The following B3GLCT variants were observed in gnomAD, a reference collection of about 807,000 sequenced individuals.
B3GLCT encodes beta-1,3-glucosyltransferase.
B3GLCT carries 65 observed loss-of-function variants against 63.4 expected under a neutral mutation model. The ratio of observed to expected loss-of-function variants is 1.03; its 90% CI spans 0.84 to 1.26. B3GLCT has a LOEUF of 1.26. Among genes scored for constraint, B3GLCT ranks in the 50% most tolerant of loss-of-function variants. The probability of loss-of-function intolerance (pLI) is 0.00; values close to 1 mark genes in which losing one functional copy is unlikely to be tolerated. For synonymous variants in B3GLCT, 233 were observed against 219.2 expected, an observed-to-expected ratio of 1.06 and a Z score of -0.55; for missense variants, 577 against 604.8, an observed-to-expected ratio of 0.95 and a Z score of 0.48.
intron 7 of B3GLCT, 74 bp downstream of exon 7, chr13:31,261,156 CTGA>C (rs1872013812): frequency 4.0e-6 from 6 of 1,508,522 alleles, no homozygotes; most frequent in Non-Finnish European, 5.5e-6. Flanking sequence ...AGTACTGTAA[CTGA>C]TGGATCTCAG....
rs773143213 is a variant in B3GLCT at position 31,329,526 on chromosome 13, A to G, written c.1355A>G (p.Asp452Gly). 1.9e-6 allele frequency: 3 copies of G among 1,614,214 alleles called. No homozygotes were observed. The highest frequency in any genetic ancestry group is 2.2e-5 in the East Asian group (1 of 44,882). ...GCTCGGCCGGTGGATTACCCTAAGG[A>G]CTACCTTTCTCATCAAGTTCCCATA... ...HQARPVDYPK[D>G]YLSHQVPISF... Residue 452 changes from aspartate to glycine, a missense_variant, in exon 15 of 15, where the codon GAC (aspartate) becomes GGC (glycine). Asp to Gly is a moderately conservative substitution (Grantham distance 94, BLOSUM62 -1). Transcript: ENST00000343307.
intron 1 of B3GLCT, 68 bp downstream of exon 1, chr13:31,200,222 C>A: frequency 1.9e-6 from 2 of 1,033,664 alleles, no homozygotes; most frequent in Middle Eastern, 4.1e-4. Context: ...GCCCGTGCCC[C>A]GGTCGGCGCG....
At position 31,211,239 on chromosome 13, in the gene B3GLCT, A is replaced by G. The variant is rs369979661; in HGVS notation, c.71-3812A>G. On this transcript the variant is annotated intron_variant, in intron 1 of 14. Coordinates refer to ENST00000343307, the MANE Select transcript of B3GLCT (RefSeq NM_194318.4). ...GCAAAACCCCATCTCTACTAAAAAT[A>G]CAAAAATTAGCTGGGCATGGTGGCA... Among the ~76,000 whole-genome samples, 160 of 152,254 alleles carry G rather than the reference A, an allele frequency of 1.1e-3. 1 individual carries two copies. Among genetic ancestry groups the G allele is most frequent in the African/African-American group, 3.7e-3 (155 of 41,548 alleles).
Position 31,308,512 on chromosome 13 carries a change from C to T in B3GLCT, c.1065-9054C>T, listed in dbSNP as rs536002689. Among the ~76,000 whole-genome samples, 5 of 152,062 alleles carry T rather than the reference C, an allele frequency of 3.3e-5. No individual in the cohort carries two copies. The East Asian group carries it at 9.7e-4, about 29-fold the overall frequency. ...AGTGGCTTTTATTCAGTCCATCAGGCTTGCTGTTCCCTCAGGAATAACCTC... is the reference window on the plus strand; with the variant it reads ...AGTGGCTTTTATTCAGTCCATCAGGTTTGCTGTTCCCTCAGGAATAACCTC... On this transcript the variant is annotated intron_variant, in intron 12 of 14. Transcript: ENST00000343307.
intron 3 of B3GLCT, among the ~76,000 whole-genome samples, chr13:31,225,615 C>T (rs1870056539): frequency 6.6e-6 from 1 of 152,140 alleles, no homozygotes; most frequent in Non-Finnish European, 1.5e-5. Context: ...GCAGGAGCTC[C>T]CCTCCCCTTT....
At chr13:31,232,370 A>G (rs1870421880) in intron 4 of B3GLCT, among the ~76,000 whole-genome samples, 1 of 152,202 alleles carries the variant, frequency 6.6e-6, no homozygotes, top group African/African-American at 2.4e-5. Context: ...CAATCATGGC[A>G]GAAGGTGAAG....
In B3GLCT at chr13:31,222,950, A is replaced by G. The variant is rs1403394824; in HGVS notation, c.121-2A>G. ...TCTTTTTCTCTTTCATTTAAAATAC[A>G]GGATTTGGAGAAAAGTGGTATATCA... On this transcript the variant is annotated splice_acceptor_variant, in intron 2 of 14. Coordinates refer to ENST00000343307, the MANE Select transcript of B3GLCT (RefSeq NM_194318.4). LOFTEE classifies it high-confidence loss of function. 2.0e-6 allele frequency: 3 copies of G among 1,515,684 alleles called. No individual in the cohort carries two copies. Among genetic ancestry groups the G allele is most frequent in the East Asian group, 4.5e-5 (2 of 44,320 alleles). The allele number at this position is 1,515,684 out of a possible 1,614,324, so 93.9% of individuals were successfully genotyped here.
intron 1 of B3GLCT, among the ~76,000 whole-genome samples, chr13:31,205,766 G>A (rs566202751): frequency 3.3e-5 from 5 of 152,290 alleles, no homozygotes; most frequent in Admixed American, 6.5e-5. Context: ...CTCAAAATGT[G>A]TATATACCAA....
chr13:31,311,746 A>C (rs76064114), intron 12 of B3GLCT: 2 of 152,168 alleles, frequency 1.3e-5, no homozygotes, highest in African/African-American at 4.8e-5. Context: ...TTTTACTGAT[A>C]CTATTTCAGC....
At position 31,200,108 on chromosome 13, in the gene B3GLCT, G is replaced by A; in HGVS notation, c.24G>A (p.Trp8Ter). The A allele has an allele frequency of 2.2e-6, 3 of 1,374,926 alleles. No homozygotes were observed. The highest frequency in any genetic ancestry group is 1.9e-6 in the Non-Finnish European group (2 of 1,054,368). The allele number at this position is 1,374,926 out of a possible 1,614,324, so 85.2% of individuals were successfully genotyped here. Residue 8 changes from tryptophan to a stop codon, truncating the protein, a stop_gained, in exon 1 of 15, where the codon TGG (tryptophan) becomes TGA (stop). Transcript: ENST00000343307. LOFTEE classifies it high-confidence loss of function. MRPPACW[W>*]LLAPPALLAL... ...GGATGCGGCCGCCCGCCTGCTGGTG[G>A]CTGCTCGCGCCGCCGGCGCTGCTCG...
intron 12 of B3GLCT, among the ~76,000 whole-genome samples, chr13:31,304,021 T>C (rs1328683933): frequency 1.5e-5 from 1 of 67,042 alleles, no homozygotes; most frequent in Non-Finnish European, 2.7e-5. Context: ...GGGGCCAATA[T>C]TGAACATTCT....
At chr13:31,291,710 TTTTGGGCTGAG>T (rs1873668659) in intron 12 of B3GLCT, among the ~76,000 whole-genome samples, 2 of 152,204 alleles carry the variant, frequency 1.3e-5, no homozygotes, top group Admixed American at 1.3e-4. Context: ...CTTAAGGAGA[TTTTGGGCTGAG>T]ATGATGGATT....
chr13:31,278,995 A>AT (rs1278280159), intron 10 of B3GLCT, among the ~76,000 whole-genome samples: 2 of 152,016 alleles, frequency 1.3e-5, no homozygotes, highest in African/African-American at 2.4e-5. Flanking sequence ...TAAGTCCCAC[A>AT]TTTTTTTCTA....
At chr13:31,248,784 T>C (rs1301980892) in intron 6 of B3GLCT, among the ~76,000 whole-genome samples, 1 of 152,246 alleles carries the variant, frequency 6.6e-6, no homozygotes, top group Non-Finnish European at 1.5e-5. Flanking sequence ...CCCTAGCCCT[T>C]AGCAGAGTGT....
chr13:31,324,308 A>G (rs1875496180), intron 14 of B3GLCT, among the ~76,000 whole-genome samples: 2 of 152,184 alleles, frequency 1.3e-5, no homozygotes, highest in African/African-American at 4.8e-5. Flanking sequence ...TTTTTACGCT[A>G]TCTGTCTTTT....
intron 6 of B3GLCT, among the ~76,000 whole-genome samples, chr13:31,249,174 G>C (rs1871321580): frequency 6.6e-6 from 1 of 152,146 alleles, no homozygotes; most frequent in South Asian, 2.1e-4. Flanking sequence ...GGGCAACAGT[G>C]ATCGTTAGAT....
intron 9 of B3GLCT, among the ~76,000 whole-genome samples, chr13:31,275,639 A>T (rs1260816922): frequency 1.3e-5 from 2 of 152,156 alleles, no homozygotes; most frequent in Non-Finnish European, 2.9e-5. Flanking sequence ...CAGCCCCAGT[A>T]TGAGCCTGGA....
intron 12 of B3GLCT, among the ~76,000 whole-genome samples, chr13:31,304,112 T>C (rs1179304612): frequency 3.1e-5 from 3 of 96,762 alleles, no homozygotes; most frequent in Admixed American, 1.1e-4. Flanking sequence ...AAATACTTTA[T>C]AGACAAGCAA....
intron 2 of B3GLCT, among the ~76,000 whole-genome samples, chr13:31,220,999 ATG>A (rs1869782167): frequency 1.3e-5 from 2 of 152,180 alleles, no homozygotes; most frequent in African/African-American, 4.8e-5. Flanking sequence ...TTTTTAAAGC[ATG>A]CTTCCCGAGG....
Sources: allele counts gnomAD v4.1 joint callset (sites outside exome capture counted in the v4.1 genomes callset), GRCh38; gene constraint gnomAD v4.1.1; transcripts MANE v1.5; gene names NCBI Gene and HGNC (gene_info 2026-07-23, HGNC 2026-07-21).